Variants in RIMBP2 observed in about 807,000 individuals in gnomAD.
RIMBP2 encodes the protein RIMS binding protein 2, also known as RIMS-binding protein 2.
A neutral mutation model predicts 118.6 loss-of-function variants in RIMBP2; 48 were observed. That is an observed-to-expected ratio of 0.40 (90% CI 0.32 to 0.51). The LOEUF (loss-of-function observed/expected upper bound fraction) is 0.51. Ranked by LOEUF, RIMBP2 falls within the 20% of genes least tolerant of loss-of-function variation. The pLI is 0.41. For missense variants in RIMBP2, 1,551 were observed against 1,768.3 expected (o/e 0.88, Z 2.20); for synonymous variants, 762 against 742.9 (o/e 1.03, Z -0.42).
intron 2 of RIMBP2, among the ~76,000 whole-genome samples, chr12:130,527,052 C>G (rs542926824): frequency 6.6e-6 from 1 of 152,218 alleles, no homozygotes; most frequent in Admixed American, 6.5e-5. Context: ...TCCCGCCCGC[C>G]CCTTGAGGTT....
At chr12:130,412,907 C>T (rs1450910145) in intron 18 of RIMBP2, 120 bp from the exon 19 acceptor site, 1 of 957,770 alleles carries the variant, frequency 1.0e-6, no homozygotes, top group Non-Finnish European at 1.5e-6. Context: ...TTAAAAATAC[C>T]ATAAATCACC....
intron 1 of RIMBP2, among the ~76,000 whole-genome samples, chr12:130,663,198 G>T (rs139467302): frequency 2.1e-4 from 32 of 152,222 alleles, no homozygotes; most frequent in African/African-American, 7.7e-4. Flanking sequence ...ATGGTCAGAG[G>T]TCAAGTATCT....
intron 2 of RIMBP2, among the ~76,000 whole-genome samples, chr12:130,600,644 A>G (rs2059822229): frequency 6.6e-6 from 1 of 152,136 alleles, no homozygotes; most frequent in African/African-American, 2.4e-5. Flanking sequence ...CAGCCCCAAT[A>G]GAACCTCCCC....
chr12:130,672,234 G>A (rs1030353059), intron 1 of RIMBP2, among the ~76,000 whole-genome samples: 7 of 152,216 alleles, frequency 4.6e-5, no homozygotes, highest in African/African-American at 1.7e-4. Flanking sequence ...AATTTCCACA[G>A]ATGGAGACAA....
At chr12:130,476,558 T>G (rs988306631) in intron 5 of RIMBP2, among the ~76,000 whole-genome samples, 3 of 152,162 alleles carry the variant, frequency 2.0e-5, no homozygotes, top group Admixed American at 2.0e-4. Context: ...GCCTTCTTCC[T>G]CTTCCCTGGA....
intron 2 of RIMBP2, among the ~76,000 whole-genome samples, chr12:130,566,553 G>A (rs1184298502): frequency 6.6e-6 from 1 of 152,200 alleles, no homozygotes; most frequent in Non-Finnish European, 1.5e-5. Flanking sequence ...TCCATGAGCT[G>A]AGGGTCAAAG....
chr12:130,692,905 G>T (rs1233696107), intron 1 of RIMBP2, among the ~76,000 whole-genome samples: 2 of 146,958 alleles, frequency 1.4e-5, no homozygotes, highest in Non-Finnish European at 3.0e-5. Context: ...ATAGGATAGG[G>T]TAGGGTAGGA....
At chr12:130,520,580 G>T (rs2051983949) in intron 2 of RIMBP2, among the ~76,000 whole-genome samples, 1 of 148,954 alleles carries the variant, frequency 6.7e-6, no homozygotes, top group Admixed American at 6.9e-5. Flanking sequence ...GCTGAGGCAG[G>T]AGAATCACTT....
intron 1 of RIMBP2, among the ~76,000 whole-genome samples, chr12:130,680,010 C>G (rs1426568373): frequency 6.6e-6 from 1 of 151,642 alleles, no homozygotes; most frequent in African/African-American, 2.4e-5. Context: ...ATCATGCAGG[C>G]AGTGTGTTCA....
intron 1 of RIMBP2, among the ~76,000 whole-genome samples, chr12:130,644,642 A>G (rs1290992005): frequency 6.6e-6 from 1 of 152,228 alleles, no homozygotes; most frequent in Non-Finnish European, 1.5e-5. Context: ...GACATTTTGA[A>G]GCCAAGTGAT....
chr12:130,585,567 T>C (rs1040731354), intron 2 of RIMBP2, among the ~76,000 whole-genome samples: 2 of 148,834 alleles, frequency 1.3e-5, no homozygotes, highest in African/African-American at 2.5e-5. Flanking sequence ...CAATGGGACA[T>C]GTTTGTGCCA....
intron 1 of RIMBP2, among the ~76,000 whole-genome samples, chr12:130,649,809 C>G (rs751181001): frequency 2.6e-5 from 4 of 152,056 alleles, no homozygotes; most frequent in African/African-American, 4.8e-5. Context: ...CCCTGCTACC[C>G]CAGCCCCCGA....
In RIMBP2 at chr12:130,699,634, C is replaced by T. The variant is rs576506180; in HGVS notation, c.-352+16588G>A. 3.1e-3 allele frequency among the ~76,000 whole-genome samples: 474 copies of T among 151,348 alleles called. 5 individuals carry two copies. Among genetic ancestry groups the T allele is most frequent in the African/African-American group, 0.011 (451 of 41,238 alleles). On this transcript the variant is annotated intron_variant, in intron 1 of 22. Coordinates refer to ENST00000690449, the MANE Select transcript of RIMBP2 (RefSeq NM_001393629.1). ...AGGAGATATACCTAATGCTAAATGA[C>T]GAGTTAATGGGTGCAGCACACCAAC... is the stretch of plus-strand genomic sequence containing the variant.
chr12:130,474,348 CCTA>C (rs1374079001), intron 5 of RIMBP2, among the ~76,000 whole-genome samples: 14 of 152,162 alleles, frequency 9.2e-5, no homozygotes, highest in African/African-American at 3.4e-4. Context: ...GGATTTTGAC[CCTA>C]CTGCCCCGAC....
chr12:130,438,334 A>ATCCC, intron 12 of RIMBP2, 31 bp downstream of exon 12: 25 of 1,344,476 alleles, frequency 1.9e-5, no homozygotes, highest in African/African-American at 4.3e-5. Flanking sequence ...GGGCCTAACA[A>ATCCC]ACCCTCCCCA....
chr12:130,521,945 A>C (rs895905283), intron 2 of RIMBP2, among the ~76,000 whole-genome samples: 1 of 152,220 alleles, frequency 6.6e-6, no homozygotes, highest in African/African-American at 2.4e-5. Context: ...GGATGCCCTC[A>C]TGAGACAGAG....
At chr12:130,580,300 A>G (rs1012388564) in intron 2 of RIMBP2, among the ~76,000 whole-genome samples, 1 of 152,074 alleles carries the variant, frequency 6.6e-6, no homozygotes, top group Non-Finnish European at 1.5e-5. Flanking sequence ...GGGCGGGGCC[A>G]GGTGGAGATG....
rs956690306 is a variant in RIMBP2 at position 130,607,447 on chromosome 12, C to T, written c.-217+20875G>A. Among the ~76,000 whole-genome samples the T allele has an allele frequency of 4.6e-5, 7 of 152,052 alleles. No individual in the cohort carries two copies. The East Asian group carries it at 5.8e-4, about 13-fold the overall frequency. On this transcript the variant is annotated intron_variant, in intron 2 of 22. Transcript: ENST00000690449. The stretch of plus-strand genomic sequence containing the variant: ...TCCTTGAATTTGCCACACAGTGCCC[C>T]GGCTAATCGTGGCTACTTGTGCATC...
In RIMBP2 at chr12:130,469,448, T is replaced by C. The variant is rs1184742448; in HGVS notation, c.153+1245A>G. Among the ~76,000 whole-genome samples, 1 of 152,164 alleles carries C rather than the reference T, an allele frequency of 6.6e-6. No homozygotes were observed. Among genetic ancestry groups the C allele is most frequent in the Non-Finnish European group, 1.5e-5 (1 of 68,040 alleles). ...AACTACCTTTTCTGCCAGGAGACGA[T>C]GCAAATTAAAGTGCGGTGGATAACT... On this transcript the variant is annotated intron_variant, in intron 6 of 22. Coordinates refer to ENST00000690449, the MANE Select transcript of RIMBP2 (RefSeq NM_001393629.1). This position sits in a 1 kb window ranked among gnomAD's most constrained non-coding sequence, Gnocchi z 4.8.
Sources: allele counts gnomAD v4.1 joint callset (sites outside exome capture counted in the v4.1 genomes callset), GRCh38; gene constraint gnomAD v4.1.1; non-coding constraint Gnocchi (gnomAD v3.1); transcripts MANE v1.5; gene names NCBI Gene and HGNC (gene_info 2026-07-23, HGNC 2026-07-21).